IMMP2L: variants seen among roughly 807,000 people sequenced by gnomAD.
IMMP2L encodes mitochondrial inner membrane protease subunit 2.
Under a neutral mutation model 19.3 loss-of-function variants are expected in IMMP2L, and 18 were observed. That is an observed-to-expected ratio of 0.93 (90% CI 0.64 to 1.38). The LOEUF (loss-of-function observed/expected upper bound fraction) is 1.38, where lower values mean the gene tolerates loss of function less well. Ranked by LOEUF, IMMP2L falls within the 40% of genes most tolerant of loss-of-function variation. IMMP2L has a pLI of 0.00. For synonymous variants in IMMP2L, 76 were observed against 73.0 expected (o/e 1.04, Z -0.21); for missense variants, 233 against 218.2 (o/e 1.07, Z -0.43).
intron 4 of IMMP2L, among the ~76,000 whole-genome samples, chr7:110,891,713 C>T (rs1810819919): frequency 6.6e-6 from 1 of 151,464 alleles, no homozygotes; most frequent in South Asian, 2.1e-4. Context: ...GAAAAAGAAC[C>T]AAATAGAAAT....
At chr7:110,906,548 A>G (rs1040978434) in intron 4 of IMMP2L, among the ~76,000 whole-genome samples, 9 of 152,180 alleles carry the variant, frequency 5.9e-5, no homozygotes, top group Admixed American at 2.6e-4. Context: ...AGGCTACAAA[A>G]TTAGGGAGCT....
In IMMP2L at chr7:110,803,988, C is replaced by T. The variant is rs1304321486; in HGVS notation, c.408+82605G>A. ...TTAAGAACAACTGGTAAAATGGGTA[C>T]TTGAAAGATGAGAATGAGTTTATGA... On this transcript the variant is annotated intron_variant, in intron 5 of 5. Transcript: ENST00000405709. The surrounding 1 kb of genome is among the most constrained non-coding windows in gnomAD (Gnocchi z 4.2). 1.3e-5 allele frequency among the ~76,000 whole-genome samples: 2 copies of T among 151,962 alleles called. No homozygotes were observed. The highest frequency in any genetic ancestry group is 4.8e-5 in the African/African-American group (2 of 41,406).
chr7:111,506,197 AAATAATAATAAT>A (rs543586226), intron 2 of IMMP2L, among the ~76,000 whole-genome samples: 5 of 149,444 alleles, frequency 3.3e-5, no homozygotes, highest in Non-Finnish European at 7.4e-5. Context: ...TGTCTCTTTA[AAATAATAATAAT>A]AATAATAATA....
At chr7:111,226,516 T>C (rs1160767454) in intron 3 of IMMP2L, among the ~76,000 whole-genome samples, 1 of 151,976 alleles carries the variant, frequency 6.6e-6, no homozygotes, top group Non-Finnish European at 1.5e-5. Context: ...CTCATCTCAA[T>C]GTCTGCTTCT....
At chr7:110,816,652 G>GT (rs1210630666) in intron 5 of IMMP2L, among the ~76,000 whole-genome samples, 13 of 150,894 alleles carry the variant, frequency 8.6e-5, no homozygotes, top group Admixed American at 7.9e-4. Context: ...GGGTGCTCCT[G>GT]TATTGGGTGC....
chr7:110,806,813 A>T (rs1433709066), intron 5 of IMMP2L, among the ~76,000 whole-genome samples: 1 of 152,016 alleles, frequency 6.6e-6, no homozygotes, highest in Non-Finnish European at 1.5e-5. Context: ...GATATGAAAG[A>T]TGAGAAAAAT....
chr7:110,892,361 C>A, intron 4 of IMMP2L, among the ~76,000 whole-genome samples: 1 of 152,080 alleles, frequency 6.6e-6, no homozygotes, highest in East Asian at 1.9e-4. Context: ...CCCATAAAAA[C>A]CATCTATTAC....
chr7:111,228,047 A>G (rs1813297699), intron 3 of IMMP2L, among the ~76,000 whole-genome samples: 2 of 152,150 alleles, frequency 1.3e-5, no homozygotes, highest in Non-Finnish European at 1.5e-5. Context: ...GGCCACAGAA[A>G]TCTATCAGAA....
chr7:110,948,321 C>T (rs1248539078), intron 4 of IMMP2L, among the ~76,000 whole-genome samples: 2 of 152,126 alleles, frequency 1.3e-5, no homozygotes, highest in Non-Finnish European at 2.9e-5. Flanking sequence ...CTATTACATA[C>T]ATAGGTATCA....
At chr7:110,995,390 GTTTATA>G in intron 3 of IMMP2L, among the ~76,000 whole-genome samples, 1 of 152,116 alleles carries the variant, frequency 6.6e-6, no homozygotes. Context: ...TCATATTTGT[GTTTATA>G]TTTAAGAGTA....
At chr7:111,400,923 A>AC (rs1833369573) in intron 3 of IMMP2L, among the ~76,000 whole-genome samples, 1 of 152,152 alleles carries the variant, frequency 6.6e-6, no homozygotes, top group African/African-American at 2.4e-5. Context: ...AAAAGAAAAA[A>AC]AAAAGGATTA....
chr7:111,072,463 G>T (rs2129575492), intron 3 of IMMP2L, among the ~76,000 whole-genome samples: 1 of 151,862 alleles, frequency 6.6e-6, no homozygotes, highest in South Asian at 2.1e-4. Context: ...AGTGTAAACT[G>T]CATTACTCTC....
chr7:110,778,188 T>C (rs1021846595), intron 5 of IMMP2L, among the ~76,000 whole-genome samples: 2 of 151,964 alleles, frequency 1.3e-5, no homozygotes, highest in African/African-American at 2.4e-5. Flanking sequence ...AGCTTTAAGA[T>C]ATTTTAAATA....
chr7:110,966,499 AT>A (rs148855779), intron 3 of IMMP2L, among the ~76,000 whole-genome samples: 16,301 of 151,912 alleles, frequency 0.11, 1,427 homozygotes, highest in African/African-American at 0.24. Flanking sequence ...AGTGTAAAAA[AT>A]ATTTTATGCC....
chr7:111,284,348 T>C (rs965755840), intron 3 of IMMP2L, among the ~76,000 whole-genome samples: 2 of 152,156 alleles, frequency 1.3e-5, no homozygotes, highest in African/African-American at 4.8e-5. Flanking sequence ...AAAGAAGCCT[T>C]AACATCCTCT....
intron 3 of IMMP2L, among the ~76,000 whole-genome samples, chr7:111,280,412 C>T (rs1468309193): frequency 2.0e-5 from 3 of 152,142 alleles, no homozygotes; most frequent in African/African-American, 7.2e-5. Context: ...GTATTTATTA[C>T]TACCAAAGCC....
At chr7:110,800,107 G>A (rs1032133585) in intron 5 of IMMP2L, among the ~76,000 whole-genome samples, 7 of 152,026 alleles carry the variant, frequency 4.6e-5, no homozygotes, top group African/African-American at 1.7e-4. Flanking sequence ...GCACTTGAAA[G>A]AAGAATTGAT....
chr7:110,910,217 G>T (rs1812910605), intron 4 of IMMP2L, among the ~76,000 whole-genome samples: 1 of 152,152 alleles, frequency 6.6e-6, no homozygotes, highest in African/African-American at 2.4e-5. Flanking sequence ...AGCATTCACA[G>T]TTAGAGCAGT....
At chr7:111,370,376 C>T (rs1830159340) in intron 3 of IMMP2L, among the ~76,000 whole-genome samples, 4 of 151,908 alleles carry the variant, frequency 2.6e-5, no homozygotes, top group Non-Finnish European at 5.9e-5. Context: ...TAGCAAATAC[C>T]TCTAGAATAT....
Sources: allele counts gnomAD v4.1 joint callset (sites outside exome capture counted in the v4.1 genomes callset), GRCh38; gene constraint gnomAD v4.1.1; non-coding constraint Gnocchi (gnomAD v3.1); transcripts MANE v1.5; gene names NCBI Gene and HGNC (gene_info 2026-07-23, HGNC 2026-07-21).